Variants in GABRA3 observed in about 807,000 individuals in gnomAD.
The protein encoded by GABRA3 is gamma-aminobutyric acid type A receptor subunit alpha3.
In GABRA3, 10 loss-of-function variants were observed where a neutral mutation model predicts 30.1. The ratio of observed to expected loss-of-function variants is 0.33; its 90% CI spans 0.20 to 0.56. GABRA3 has a LOEUF of 0.56. Ranked by LOEUF, GABRA3 falls within the 20% of genes least tolerant of loss-of-function variation. The pLI, the probability that GABRA3 is intolerant of heterozygous loss-of-function variation, is 0.89. For missense variants in GABRA3, 233 were observed against 392.0 expected (o/e 0.59, Z 3.42); for synonymous variants, 151 against 146.8 (o/e 1.03, Z -0.21).
At chrX:152,347,859 T>A (rs999080491) in intron 2 of GABRA3, among the ~76,000 whole-genome samples, 11 of 111,142 alleles carry the variant, frequency 9.9e-5, no homozygotes, top group Admixed American at 9.6e-4. Context: ...ACACAAAAAT[T>A]AGCTAGGCAT....
intron 3 of GABRA3, among the ~76,000 whole-genome samples, chrX:152,335,381 A>G (rs1940218977): frequency 8.9e-6 from 1 of 111,891 alleles, no homozygotes; most frequent in African/African-American, 3.3e-5. Context: ...CATTTGCAAC[A>G]AAGTATGGAG....
At chrX:152,374,296 A>G (rs1378571017) in intron 1 of GABRA3, among the ~76,000 whole-genome samples, 4 of 97,626 alleles carry the variant, frequency 4.1e-5, no homozygotes, top group Non-Finnish European at 8.3e-5. Flanking sequence ...GGAGCTCTTT[A>G]GTTTAATTAG....
At chrX:152,395,326 A>G (rs1929629668) in intron 1 of GABRA3, among the ~76,000 whole-genome samples, 1 of 111,678 alleles carries the variant, frequency 9.0e-6, no homozygotes, top group South Asian at 3.8e-4. Context: ...TTCAGGAACT[A>G]ATATTCATGT....
At chrX:152,330,913 G>A (rs1222175454) in intron 3 of GABRA3, among the ~76,000 whole-genome samples, 1 of 111,413 alleles carries the variant, frequency 9.0e-6, no homozygotes, top group Non-Finnish European at 1.9e-5. Context: ...AATCTTTGTA[G>A]TCTTGCATTA....
At chrX:152,279,519 T>C (rs1056265007) in intron 4 of GABRA3, among the ~76,000 whole-genome samples, 3 of 111,798 alleles carry the variant, frequency 2.7e-5, no homozygotes, top group Non-Finnish European at 5.6e-5. Context: ...TGTAGCTTTG[T>C]AGTATAGCTT....
chrX:152,324,011 C>T (rs1940012704), intron 3 of GABRA3, among the ~76,000 whole-genome samples: 1 of 112,137 alleles, frequency 8.9e-6, no homozygotes, highest in African/African-American at 3.2e-5. Context: ...CCCCAGAGCA[C>T]TTAGCAGAGT....
chrX:152,390,555 T>A (rs1455583168), intron 1 of GABRA3, among the ~76,000 whole-genome samples: 1 of 111,559 alleles, frequency 9.0e-6, no homozygotes, highest in African/African-American at 3.3e-5. Context: ...ATTTTCAAAA[T>A]AAGATGGCAT....
chrX:152,347,426 C>A (rs1268802894), intron 2 of GABRA3, among the ~76,000 whole-genome samples: 2 of 111,143 alleles, frequency 1.8e-5, no homozygotes, highest in Admixed American at 1.9e-4. Context: ...TATTTGATAG[C>A]ACAAAGGGTG....
intron 3 of GABRA3, among the ~76,000 whole-genome samples, chrX:152,296,832 C>T (rs772674906): frequency 7.7e-4 from 84 of 109,522 alleles, no homozygotes; most frequent in African/African-American, 2.3e-3. Flanking sequence ...CCCAAGTAGC[C>T]GGGATTACAG....
chrX:152,171,332 C>T, intron 9 of GABRA3: 1 of 399,622 alleles, frequency 2.5e-6, no homozygotes, highest in Non-Finnish European at 3.2e-6. Context: ...ACGTTAATCA[C>T]AGATTTTTTA....
At chrX:152,302,469 A>C (rs921330909) in intron 3 of GABRA3, among the ~76,000 whole-genome samples, 4 of 111,857 alleles carry the variant, frequency 3.6e-5, no homozygotes, top group Admixed American at 2.9e-4. Context: ...GATTTTTGAA[A>C]AATTTGCACA....
At chrX:152,279,771 T>A (rs1447677277) in intron 4 of GABRA3, among the ~76,000 whole-genome samples, 1 of 111,808 alleles carries the variant, frequency 8.9e-6, no homozygotes, top group Non-Finnish European at 1.9e-5. Context: ...TTTGTTTGTA[T>A]CCTCTTTTAT....
chrX:152,273,234 C>T (rs367998212), intron 4 of GABRA3, among the ~76,000 whole-genome samples: 4 of 112,278 alleles, frequency 3.6e-5, no homozygotes, highest in South Asian at 3.7e-4. Flanking sequence ...AAAACCACAA[C>T]GAGATAGCAC....
At chrX:152,415,111 C>G (rs768412063) in intron 1 of GABRA3, among the ~76,000 whole-genome samples, 1 of 110,962 alleles carries the variant, frequency 9.0e-6, no homozygotes, top group Non-Finnish European at 1.9e-5. Context: ...TTTGTCAAAA[C>G]CCACAGAACT....
intron 1 of GABRA3, among the ~76,000 whole-genome samples, chrX:152,427,477 G>T (rs1254190059): frequency 8.9e-6 from 1 of 111,930 alleles, no homozygotes; most frequent in Non-Finnish European, 1.9e-5. Context: ...AACAGCTATA[G>T]ATCTTTACAT....
At chrX:152,325,007 G>A (rs977212145) in intron 3 of GABRA3, among the ~76,000 whole-genome samples, 1 of 111,602 alleles carries the variant, frequency 9.0e-6, no homozygotes, top group African/African-American at 3.3e-5. Flanking sequence ...AAATGGGAGA[G>A]GTGATAGTCC....
rs1648555499 is a variant in GABRA3, at chrX:152,412,204, C to A, written c.-27+38942G>T. On this transcript the variant is annotated intron_variant, in intron 1 of 9. Transcript: ENST00000370314. ...ATAAAGATATGGAAAGATTAGAACC[C>A]TTATATATTGCTGATGAGAATGCAA... Among the ~76,000 whole-genome samples the A allele has an allele frequency of 2.7e-5, 3 of 111,380 alleles. No individual in the cohort carries two copies. The South Asian group carries it at 1.1e-3, about 42-fold the overall frequency.
Position 152,425,941 on chromosome X carries a change from ATCC to A in GABRA3, c.-27+25202_-27+25204del, listed in dbSNP as rs1930505872. On this transcript the variant is annotated intron_variant, in intron 1 of 9. Transcript: ENST00000370314. ...CAGGTTAAATAGTATCTTTTTAGAA[ATCC>A]CATCTCCTTTGCTTTCCACGAACAC... Among the ~76,000 whole-genome samples, 3 of 111,112 alleles carry A rather than the reference ATCC, an allele frequency of 2.7e-5. No individual in the cohort carries two copies. The Admixed American group carries it at 2.9e-4, about 11-fold the overall frequency.
chrX:152,246,638 G>A (rs1241251988), intron 5 of GABRA3, among the ~76,000 whole-genome samples: 3 of 111,516 alleles, frequency 2.7e-5, no homozygotes, highest in Admixed American at 1.9e-4. Flanking sequence ...CTTGCATGAA[G>A]TGCACACAGT....
Sources: gnomAD v4.1 joint callset for allele counts (sites outside exome capture counted in the v4.1 genomes callset) on GRCh38, gnomAD v4.1.1 for gene constraint, MANE v1.5 for transcripts, NCBI Gene and HGNC (gene_info 2026-07-23, HGNC 2026-07-21) for gene names.